Variants in DGKE observed in about 807,000 individuals in gnomAD.
The protein encoded by DGKE is diacylglycerol kinase epsilon.
DGKE carries 53 observed loss-of-function variants against 70.0 expected under a neutral mutation model. The observed-to-expected ratio is 0.76, with a 90% confidence interval of 0.61 to 0.95. The LOEUF (loss-of-function observed/expected upper bound fraction) is 0.95, where lower values mean the gene tolerates loss of function less well. DGKE is among the 40% of genes least tolerant of loss of function. DGKE has a pLI of 0.00. For synonymous variants in DGKE, 291 were observed against 257.0 expected (o/e 1.13, Z -1.27); for missense variants, 655 against 706.9 (o/e 0.93, Z 0.83).
intron 7 of DGKE, among the ~76,000 whole-genome samples, chr17:56,855,054 C>T (rs951441633): frequency 1.3e-5 from 2 of 151,886 alleles, no homozygotes; most frequent in Non-Finnish European, 2.9e-5. Flanking sequence ...AAGGCCTTGT[C>T]CTTATGAAGC....
At chr17:56,858,071 C>CAAAAAAAA (rs11449627) in intron 8 of DGKE, among the ~76,000 whole-genome samples, 7 of 100,418 alleles carry the variant, frequency 7.0e-5, no homozygotes, top group Admixed American at 1.2e-4. Flanking sequence ...GACTCCATCT[C>CAAAAAAAA]AAAAAAAAAA....
intron 1 of DGKE, among the ~76,000 whole-genome samples, chr17:56,834,563 G>T (rs1385751194): frequency 6.6e-6 from 1 of 152,166 alleles, no homozygotes; most frequent in Non-Finnish European, 1.5e-5. Flanking sequence ...TCCCGAGGTG[G>T]GGCGGGTTGG....
Position 56,844,110 on chromosome 17 carries a change from A to G in DGKE, c.556A>G (p.Ile186Val). 2.5e-6 allele frequency: 4 copies of G among 1,587,834 alleles called. No individual in the cohort carries two copies. Among genetic ancestry groups the G allele is most frequent in the South Asian group, 1.2e-5 (1 of 86,118 alleles). The change falls in exon 3 of 12, where the codon ATC (isoleucine) becomes GTC (valine). Residue 186 changes from isoleucine to valine, a missense_variant. Ile to Val is a conservative substitution (Grantham distance 29). Coordinates refer to ENST00000284061, the MANE Select transcript of DGKE (RefSeq NM_003647.3). ...TGATTTTGGAGAATTCAAAAACCTA[A>G]TCATTCCACCAAGTTATTTAACATC... ...KCDFGEFKNL[I>V]IPPSYLTSIN...
intron 7 of DGKE, among the ~76,000 whole-genome samples, chr17:56,850,738 A>G (rs981920856): frequency 1.3e-5 from 2 of 152,226 alleles, no homozygotes; most frequent in African/African-American, 4.8e-5. Flanking sequence ...AGCAGTCTTC[A>G]GAAGCCAAAA....
intron 9 of DGKE, among the ~76,000 whole-genome samples, chr17:56,859,891 A>G (rs2144290548): frequency 6.6e-6 from 1 of 152,368 alleles, no homozygotes; most frequent in South Asian, 2.1e-4. Flanking sequence ...GAGACTGATT[A>G]TACATTAGTC....
intron 2 of DGKE, among the ~76,000 whole-genome samples, chr17:56,838,038 A>G (rs1487592552): frequency 6.6e-6 from 1 of 152,062 alleles, no homozygotes; most frequent in Admixed American, 6.6e-5. Flanking sequence ...ATTAGGTTAT[A>G]TTTTTACATA....
At chr17:56,849,047 C>A in intron 6 of DGKE, 134 bp from the exon 7 acceptor site, 1 of 1,187,246 alleles carries the variant, frequency 8.4e-7, no homozygotes, top group Non-Finnish European at 1.2e-6. Flanking sequence ...GTACTTATCC[C>A]TAAATTTGCA....
intron 2 of DGKE, 107 bp from the exon 3 acceptor site, chr17:56,843,912 G>A: frequency 9.4e-7 from 1 of 1,060,334 alleles, no homozygotes. Context: ...GTTATGGTAA[G>A]TAGTGATAAA....
At chr17:56,853,613 T>TA (rs1157093047) in intron 7 of DGKE, among the ~76,000 whole-genome samples, 4 of 152,218 alleles carry the variant, frequency 2.6e-5, no homozygotes, top group African/African-American at 9.6e-5. Flanking sequence ...TGGCCATAGA[T>TA]ATGTGTATTT....
intron 3 of DGKE, 73 bp from the exon 4 acceptor site, chr17:56,845,617 T>A: frequency 6.8e-7 from 1 of 1,470,936 alleles, no homozygotes; most frequent in Non-Finnish European, 9.1e-7. Flanking sequence ...AGCACCATTG[T>A]TCTCAAGGCA....
At chr17:56,856,422 A>C in intron 7 of DGKE, 90 bp from the exon 8 acceptor site, 1 of 1,398,268 alleles carries the variant, frequency 7.2e-7, no homozygotes, top group Non-Finnish European at 9.6e-7. Context: ...TCCATTGTCA[A>C]AAGAACACAA....
Position 56,862,164 on chromosome 17 carries a change from C to T in DGKE, c.1437C>T (p.Val479=), listed in dbSNP as rs376973800. The T allele has an allele frequency of 5.6e-6, 9 of 1,613,944 alleles. No homozygotes were observed. Among genetic ancestry groups the T allele is most frequent in the South Asian group, 1.1e-5 (1 of 91,072 alleles). The change falls in exon 11 of 12, where the codon GTC becomes GTT. Residue 479 remains valine, a synonymous_variant. Coordinates refer to ENST00000284061, the MANE Select transcript of DGKE (RefSeq NM_003647.3). ...LARHDDGLLE[V]VGVYGSFHCA... ...GGCATGACGATGGTCTGCTGGAAGTCGTTGGAGTATATGGGTCTTTCCACT... is the reference window on the plus strand; with the variant it reads ...GGCATGACGATGGTCTGCTGGAAGTTGTTGGAGTATATGGGTCTTTCCACT...
In DGKE at chr17:56,834,897, G is replaced by A. The variant is rs553013222; in HGVS notation, c.102G>A (p.Val34=). ...LWTLCSVLLP[V]FITFWCSLQR... is the part of the protein sequence containing the mutation. ...CGCTGTGCTCGGTCCTGCTGCCGGTGTTCATCACCTTCTGGTGTAGCCTCC... is the reference window on the plus strand; with the variant it reads ...CGCTGTGCTCGGTCCTGCTGCCGGTATTCATCACCTTCTGGTGTAGCCTCC... Residue 34 remains valine (V), a synonymous_variant, in exon 2 of 12, where the codon GTG becomes GTA. Coordinates refer to ENST00000284061, the MANE Select transcript of DGKE (RefSeq NM_003647.3). The A allele has an allele frequency of 3.7e-6, 6 of 1,613,790 alleles. No homozygotes were observed. The African/African-American group carries it at 6.7e-5, about 18-fold the overall frequency.
chr17:56,862,646 T>C lies in DGKE; in HGVS notation c.1559T>C (p.Val520Ala). 6.3e-7 allele frequency: 1 copy of C among 1,581,454 alleles called. No homozygotes were observed. Among genetic ancestry groups the C allele is most frequent in the African/African-American group, 1.4e-5 (1 of 73,146 alleles). The part of the protein sequence containing the change: ...ILKCSMMPMQ[V>A]DGEPWAQGPC... ...AAGTGCTCCATGATGCCAATGCAGG[T>C]GGATGGGGAGCCTTGGGCCCAAGGG... The change falls in exon 12 of 12, where the codon GTG (valine) becomes GCG (alanine). Residue 520 changes from valine (V) to alanine (A), a missense_variant. Physicochemically the swap from Val to Ala is moderately conservative, Grantham distance 64. Coordinates refer to ENST00000284061, the MANE Select transcript of DGKE (RefSeq NM_003647.3).
chr17:56,855,781 G>A (rs1178629080), intron 7 of DGKE, among the ~76,000 whole-genome samples: 2 of 152,056 alleles, frequency 1.3e-5, no homozygotes, highest in Admixed American at 6.5e-5. Context: ...AGAGGCAGGC[G>A]AATCACGAGG....
At chr17:56,847,553 C>G (rs1907363053) in intron 4 of DGKE, 1 of 152,732 alleles carries the variant, frequency 6.5e-6, no homozygotes, top group Non-Finnish European at 1.5e-5. Flanking sequence ...AGGCTGGTCT[C>G]GAACTCCTGA....
intron 4 of DGKE, chr17:56,846,433 A>G (rs1907290917): frequency 1.3e-5 from 2 of 152,172 alleles, no homozygotes; most frequent in Admixed American, 1.3e-4. Context: ...TTGCGAATGG[A>G]CATTGAGGGA....
At position 56,867,099 on chromosome 17, in the gene DGKE, A is replaced by C. The variant is rs1258826916; in HGVS notation, c.*4308A>C. On this transcript the variant is annotated 3_prime_UTR_variant, in exon 12 of 12. Coordinates refer to ENST00000284061, the MANE Select transcript of DGKE (RefSeq NM_003647.3). Reference sequence around the variant, plus strand: ...AATTTTTGATATGTAAATACACATCAATACATATATATTTACCCATGTGGC... The same window carrying C: ...AATTTTTGATATGTAAATACACATCCATACATATATATTTACCCATGTGGC... 1 of 152,230 alleles carries C rather than the reference A, an allele frequency of 6.6e-6. No individual in the cohort carries two copies. Among genetic ancestry groups the C allele is most frequent in the Admixed American group, 6.5e-5 (1 of 15,284 alleles). 9.4% of individuals were successfully genotyped at this position (152,230 alleles called of 1,614,324 possible). A position where few individuals can be genotyped will look rare whatever the true frequency, so the allele number is the denominator to read the frequency against.
At chr17:56,858,877 T>C (rs1243748322) in intron 9 of DGKE, among the ~76,000 whole-genome samples, 1 of 152,210 alleles carries the variant, frequency 6.6e-6, no homozygotes, top group Non-Finnish European at 1.5e-5. Flanking sequence ...TATATTCACA[T>C]TATGCAGAAA....
Sources: allele counts gnomAD v4.1 joint callset (sites outside exome capture counted in the v4.1 genomes callset), GRCh38; gene constraint gnomAD v4.1.1; transcripts MANE v1.5; gene names NCBI Gene and HGNC (gene_info 2026-07-23, HGNC 2026-07-21).